MINK1: variants seen among roughly 807,000 people sequenced by gnomAD.
MINK1 encodes misshapen-like kinase 1.
In MINK1, 46 loss-of-function variants were observed where a neutral mutation model predicts 178.4. The observed-to-expected ratio is 0.26, with a 90% CI of 0.20 to 0.33. The LOEUF (loss-of-function observed/expected upper bound fraction) is 0.33, where lower values mean the gene tolerates loss of function less well. MINK1 is among the 10% of genes least tolerant of loss of function. The probability of loss-of-function intolerance (pLI) is 1.00; values close to 1 mark genes in which losing one functional copy is unlikely to be tolerated. For synonymous variants in MINK1, 797 were observed against 709.7 expected (o/e 1.12, Z -1.96); for missense variants, 1,366 against 1,814.9 (o/e 0.75, Z 4.49).
chr17:4,895,602 C>T lies in MINK1; in HGVS notation c.3230-96C>T, dbSNP rs1969365507. 1.9e-6 allele frequency: 3 copies of T among 1,553,762 alleles called. No homozygotes were observed. Among genetic ancestry groups the T allele is most frequent in the Non-Finnish European group, 1.7e-6 (2 of 1,146,436 alleles). On this transcript the variant is annotated intron_variant, in intron 26 of 31. Transcript: ENST00000355280. The surrounding 1 kb of genome is among the most constrained non-coding windows in gnomAD (Gnocchi z 4.3). ...ACTGGAAGGTGGGGCCACACTTTCTCACCCCTTGTGGTATGCTGACAGAGG... is the reference window on the plus strand; with the variant it reads ...ACTGGAAGGTGGGGCCACACTTTCTTACCCCTTGTGGTATGCTGACAGAGG...
rs1439133984 is a variant in MINK1, at chr17:4,833,988, C to T, written c.57+348C>T. 2.6e-5 allele frequency among the ~76,000 whole-genome samples: 4 copies of T among 152,164 alleles called. No homozygotes were observed. The highest frequency in any genetic ancestry group is 5.9e-5 in the Non-Finnish European group (4 of 68,020). On this transcript the variant is annotated intron_variant, in intron 1 of 31. Transcript: ENST00000355280. The surrounding 1 kb of genome is among the most constrained non-coding windows in gnomAD (Gnocchi z 4.8). ...GAGAACCTTTATTGTGGTTCCTTAC[C>T]TCCTTTCGGCCCTTTTCCACCTTTG...
chr17:4,879,143 G>T (rs890210959), intron 2 of MINK1, among the ~76,000 whole-genome samples: 2 of 139,332 alleles, frequency 1.4e-5, no homozygotes, highest in African/African-American at 5.5e-5. Flanking sequence ...ACTTGGATTG[G>T]GAGGAGCCGC....
rs368461054 is a variant in MINK1 at position 4,895,795 on chromosome 17, C to T, written c.3327C>T (p.Thr1109=). 7.1e-5 allele frequency: 115 copies of T among 1,613,720 alleles called. 2 individuals carry two copies. In the South Asian group the frequency reaches 8.8e-4, roughly 12 times the overall value. The change falls in exon 27 of 32, where the codon ACC becomes ACT. Residue 1109 remains threonine, a synonymous_variant. Transcript: ENST00000355280. The surrounding 1 kb of genome is among the most constrained non-coding windows in gnomAD (Gnocchi z 4.3). ...TGGAGAAGAAGCAGGGCTGGACCAC[C>T]GTGGGGGACATGGAGGGCTGCGGGC... is the stretch of plus-strand genomic sequence containing the variant. The part of the protein sequence containing the change: ...PEVEKKQGWT[T]VGDMEGCGHY...
intron 1 of MINK1, chr17:4,875,489 G>T (rs1454203356): frequency 2.2e-6 from 1 of 453,616 alleles, no homozygotes; most frequent in Non-Finnish European, 4.4e-6. Flanking sequence ...AAACAAAAAT[G>T]AGGCCGTGCG....
At chr17:4,848,051 AGGAG>A (rs1381317184) in intron 1 of MINK1, among the ~76,000 whole-genome samples, 1 of 152,022 alleles carries the variant, frequency 6.6e-6, no homozygotes, top group Non-Finnish European at 1.5e-5. Context: ...GAGAGGAAGA[AGGAG>A]GGAGGGAGGA....
chr17:4,847,328 T>C, intron 1 of MINK1: 1 of 431,822 alleles, frequency 2.3e-6, no homozygotes, highest in Non-Finnish European at 4.7e-6. Context: ...ATCCTCTGCC[T>C]CCTCGGTTCA....
At chr17:4,849,274 G>A (rs894379077) in intron 1 of MINK1, among the ~76,000 whole-genome samples, 6 of 152,188 alleles carry the variant, frequency 3.9e-5, no homozygotes, top group Non-Finnish European at 7.3e-5. Flanking sequence ...CTGGCCCTGC[G>A]TGCTGTTTTC....
chr17:4,851,629 T>C (rs1911971534), intron 1 of MINK1, among the ~76,000 whole-genome samples: 2 of 151,962 alleles, frequency 1.3e-5, no homozygotes, highest in South Asian at 4.2e-4. Flanking sequence ...GGCCCCATTG[T>C]CTCCCGACCT....
intron 1 of MINK1, among the ~76,000 whole-genome samples, chr17:4,843,465 G>A (rs1322578563): frequency 6.6e-6 from 1 of 150,828 alleles, no homozygotes; most frequent in Non-Finnish European, 1.5e-5. Flanking sequence ...GCGACAGAAC[G>A]AGACTCCGTC....
intron 1 of MINK1, 82 bp from the exon 2 acceptor site, chr17:4,878,235 C>A: frequency 7.7e-7 from 1 of 1,291,054 alleles, no homozygotes; most frequent in Non-Finnish European, 1.1e-6. Context: ...CATATCTTGA[C>A]TGGATACCAC....
At chr17:4,893,120 C>T in intron 20 of MINK1, 53 bp downstream of exon 20, 4 of 1,533,754 alleles carry the variant, frequency 2.6e-6, no homozygotes, top group Non-Finnish European at 3.5e-6. Flanking sequence ...TGGGGCTTAG[C>T]CTCAGGGTGC....
Position 4,895,505 on chromosome 17 carries a change from G to C in MINK1, c.3229+12G>C. On this transcript the variant is annotated intron_variant, in intron 26 of 31. Coordinates refer to ENST00000355280, the MANE Select transcript of MINK1 (RefSeq NM_153827.5). This position sits in a 1 kb window ranked among gnomAD's most constrained non-coding sequence, Gnocchi z 4.3. Reference sequence around the variant, plus strand: ...CATCACCATCTCAGGTACAGGTGTGGTGAGTGGGGGAGGGAGGAGGGGCTC... The same window carrying C: ...CATCACCATCTCAGGTACAGGTGTGCTGAGTGGGGGAGGGAGGAGGGGCTC... 6.4e-7 allele frequency: 1 copy of C among 1,564,618 alleles called. No homozygotes were observed. The highest frequency in any genetic ancestry group is 1.3e-5 in the African/African-American group (1 of 74,108).
At chr17:4,875,991 T>G (rs1967149505) in intron 1 of MINK1, among the ~76,000 whole-genome samples, 3 of 151,860 alleles carry the variant, frequency 2.0e-5, no homozygotes, top group Non-Finnish European at 4.4e-5. Context: ...GAGACGGGGT[T>G]TCACCATGTT....
intron 1 of MINK1, among the ~76,000 whole-genome samples, chr17:4,859,754 C>T (rs1045164263): frequency 7.6e-6 from 1 of 131,672 alleles, no homozygotes; most frequent in African/African-American, 2.9e-5. Context: ...TGCCATTGCA[C>T]TCCAGCCTGG....
At chr17:4,864,004 C>G (rs1189154160) in intron 1 of MINK1, among the ~76,000 whole-genome samples, 1 of 150,860 alleles carries the variant, frequency 6.6e-6, no homozygotes, top group Non-Finnish European at 1.5e-5. Flanking sequence ...GGTCAGGCTG[C>G]TCTCAAACTT....
intron 1 of MINK1, among the ~76,000 whole-genome samples, chr17:4,869,245 ATT>A (rs1915511321): frequency 7.1e-6 from 1 of 141,476 alleles, no homozygotes; most frequent in Non-Finnish European, 1.5e-5. Flanking sequence ...TTTTTAAATT[ATT>A]ATTTATTTAT....
At chr17:4,890,264 G>A in intron 13 of MINK1, 1 of 1,233,014 alleles carries the variant, frequency 8.1e-7, no homozygotes, top group African/African-American at 1.6e-5. Flanking sequence ...GCGACAGCTC[G>A]AGATCCTTCA....
intron 5 of MINK1, 43 bp downstream of exon 5, chr17:4,884,516 T>C (rs1968018533): frequency 1.4e-6 from 2 of 1,423,380 alleles, no homozygotes; most frequent in Non-Finnish European, 2.0e-6. Flanking sequence ...TCCGCTACCC[T>C]GGCTGGAGTT....
At chr17:4,889,798 C>CCTCCCGCT in intron 13 of MINK1, 35 bp downstream of exon 13, 1 of 1,442,428 alleles carries the variant, frequency 6.9e-7, no homozygotes, top group Non-Finnish European at 9.2e-7. Context: ...GCCCTCCCGC[C>CCTCCCGCT]CTCCCGCTCC....
Sources: gnomAD v4.1 joint callset for allele counts (sites outside exome capture counted in the v4.1 genomes callset) on GRCh38, gnomAD v4.1.1 for gene constraint, Gnocchi (gnomAD v3.1) non-coding constraint, MANE v1.5 for transcripts, NCBI Gene and HGNC (gene_info 2026-07-23, HGNC 2026-07-21) for gene names.